The following ZNF423 variants were observed in gnomAD, a reference collection of about 807,000 sequenced individuals.
ZNF423 encodes Ebf-associated zinc finger protein.
In ZNF423, 12 loss-of-function variants were observed where a neutral mutation model predicts 95.8. The ratio of observed to expected loss-of-function variants is 0.13; its 90% CI spans 0.08 to 0.20. The LOEUF (loss-of-function observed/expected upper bound fraction) is 0.20, where lower values mean the gene tolerates loss of function less well. Ranked by LOEUF, ZNF423 falls within the 10% of genes least tolerant of loss-of-function variation. ZNF423 has a pLI of 1.00. For synonymous variants in ZNF423, 749 were observed against 711.9 expected, an observed-to-expected ratio of 1.05 and a Z score of -0.83; for missense variants, 1,316 against 1,737.1, an observed-to-expected ratio of 0.76 and a Z score of 4.31.
chr16:49,739,523 A>G (rs994513123), intron 2 of ZNF423, among the ~76,000 whole-genome samples: 6 of 152,108 alleles, frequency 3.9e-5, no homozygotes, highest in African/African-American at 1.4e-4. Flanking sequence ...GATCCTGAGT[A>G]AGGTGCGAGC....
At chr16:49,554,194 C>A (rs184118542) in intron 5 of ZNF423, among the ~76,000 whole-genome samples, 12 of 152,228 alleles carry the variant, frequency 7.9e-5, no homozygotes, top group Non-Finnish European at 1.6e-4. Context: ...ACAGCTCCAA[C>A]TCCACATTCA....
chr16:49,854,968 G>A (rs2035343319), intron 1 of ZNF423: 15 of 984,810 alleles, frequency 1.5e-5, no homozygotes, highest in Non-Finnish European at 1.8e-5. Flanking sequence ...CAGATCCGGG[G>A]CGCCCTCCGC....
chr16:49,494,801 C>G (rs890289024), intron 7 of ZNF423, among the ~76,000 whole-genome samples: 1 of 152,202 alleles, frequency 6.6e-6, no homozygotes, highest in Non-Finnish European at 1.5e-5. Context: ...GTTCAATAAC[C>G]GTGAAAGAAC....
At chr16:49,853,854 G>T in intron 1 of ZNF423, 2 of 985,354 alleles carry the variant, frequency 2.0e-6, no homozygotes, top group South Asian at 9.4e-5. Flanking sequence ...ACGTAAGGAG[G>T]TTTGGAGAAG....
intron 2 of ZNF423, among the ~76,000 whole-genome samples, chr16:49,755,242 G>A (rs930553222): frequency 3.3e-5 from 5 of 152,178 alleles, no homozygotes; most frequent in Non-Finnish European, 7.4e-5. Context: ...CAAAGCAGGC[G>A]GGAAAAGAGG....
At chr16:49,536,702 C>T (rs1246060271) in intron 5 of ZNF423, among the ~76,000 whole-genome samples, 1 of 152,024 alleles carries the variant, frequency 6.6e-6, no homozygotes, top group Non-Finnish European at 1.5e-5. Context: ...CAGGTATGAG[C>T]CACTGTGCCC....
At chr16:49,590,474 C>G (rs558875818) in intron 5 of ZNF423, among the ~76,000 whole-genome samples, 5 of 152,276 alleles carry the variant, frequency 3.3e-5, no homozygotes, top group African/African-American at 9.6e-5. Flanking sequence ...GGCATTCTTG[C>G]TCCCAGCTCA....
intron 5 of ZNF423, among the ~76,000 whole-genome samples, chr16:49,580,997 C>T (rs961216703): frequency 5.9e-5 from 9 of 152,270 alleles, no homozygotes; most frequent in Admixed American, 4.6e-4. Context: ...TAGATGTACG[C>T]TCCAGCCGTG....
intron 3 of ZNF423, among the ~76,000 whole-genome samples, chr16:49,700,230 GAAGAAAAAAAGAAA>G (rs2032131903): frequency 7.0e-6 from 1 of 143,438 alleles, no homozygotes. Flanking sequence ...AGAAGAAGAA[GAAGAAAAAAAGAAA>G]AAGAAAAAAG....
intron 1 of ZNF423, among the ~76,000 whole-genome samples, chr16:49,850,146 T>C (rs539335965): frequency 2.0e-5 from 3 of 152,322 alleles, no homozygotes; most frequent in African/African-American, 4.8e-5. Flanking sequence ...ACCCCAATCG[T>C]TGGCTGCCAC....
At chr16:49,817,048 C>G (rs2034866761) in intron 1 of ZNF423, among the ~76,000 whole-genome samples, 1 of 152,194 alleles carries the variant, frequency 6.6e-6, no homozygotes, top group African/African-American at 2.4e-5. Context: ...AAATACCACT[C>G]CCAAGGCTGA....
chr16:49,706,202 C>T (rs2032344459), intron 3 of ZNF423, among the ~76,000 whole-genome samples: 1 of 152,228 alleles, frequency 6.6e-6, no homozygotes, highest in Non-Finnish European at 1.5e-5. Flanking sequence ...GCACTGGAGG[C>T]TGTCAGTCCT....
At chr16:49,774,169 T>C (rs2034082116) in intron 2 of ZNF423, among the ~76,000 whole-genome samples, 1 of 152,198 alleles carries the variant, frequency 6.6e-6, no homozygotes, top group Non-Finnish European at 1.5e-5. Context: ...AGTCAGGGAC[T>C]GTGGCTGGAA....
At chr16:49,826,039 C>T (rs112512495) in intron 1 of ZNF423, among the ~76,000 whole-genome samples, 50 of 152,104 alleles carry the variant, frequency 3.3e-4, no homozygotes, top group African/African-American at 9.9e-4. Context: ...AGTGAAACCT[C>T]CATCTGTACA....
At chr16:49,777,249 A>G (rs2143747899) in intron 2 of ZNF423, among the ~76,000 whole-genome samples, 1 of 152,340 alleles carries the variant, frequency 6.6e-6, no homozygotes, top group Admixed American at 6.5e-5. Flanking sequence ...GCATATGCCA[A>G]TGTGCACATA....
Position 49,637,573 on chromosome 16 carries a change from G to T in ZNF423, c.1603C>A (p.Leu535Ile). 1.2e-6 allele frequency: 2 copies of T among 1,614,046 alleles called. No individual in the cohort carries two copies. The highest frequency in any genetic ancestry group is 1.7e-6 in the Non-Finnish European group (2 of 1,180,022). ...FFCNQCSMGFLTESSLTEHIQ... is the reference protein window; with the variant it reads ...FFCNQCSMGFITESSLTEHIQ... The stretch of plus-strand genomic sequence containing the variant: ...TGCTCGGTGAGGGAGGACTCAGTAA[G>T]GAAACCCATGGAGCACTGGTTGCAG... The change falls in exon 4 of 8, where the codon CTT (leucine) becomes ATT (isoleucine). Residue 535 changes from leucine to isoleucine, a missense_variant. Around this residue, in one of 6 missense-constraint regions of ZNF423, gnomAD observed 399 missense variants for 478.5 expected, o/e 0.83. Transcript: ENST00000563137. The surrounding 1 kb of genome is among the most constrained non-coding windows in gnomAD (Gnocchi z 5.6).
chr16:49,697,258 T>C (rs1023771469), intron 3 of ZNF423, among the ~76,000 whole-genome samples: 1 of 152,068 alleles, frequency 6.6e-6, no homozygotes, highest in Non-Finnish European at 1.5e-5. Context: ...ACAGAACTGA[T>C]GTCACCTAAC....
At position 49,661,230 on chromosome 16, in the gene ZNF423, A is replaced by C. The variant is rs532029956; in HGVS notation, c.302-22356T>G. Among the ~76,000 whole-genome samples, 213 of 152,054 alleles carry C rather than the reference A, an allele frequency of 1.4e-3. 2 individuals carry two copies. Among genetic ancestry groups the C allele is most frequent in the South Asian group, 2.3e-3 (11 of 4,800 alleles). On this transcript the variant is annotated intron_variant, in intron 3 of 7. Transcript: ENST00000563137. ...GAGACTTCATCTCAAAAAAAAAAAA[A>C]AAAAGACACAGACTCAACAGTGGGA...
chr16:49,594,536 G>A, intron 5 of ZNF423, among the ~76,000 whole-genome samples: 1 of 151,992 alleles, frequency 6.6e-6, no homozygotes, highest in East Asian at 1.9e-4. Context: ...GGAATATAGA[G>A]ACATACACTC....
Sources: gnomAD v4.1 joint callset for allele counts (sites outside exome capture counted in the v4.1 genomes callset) on GRCh38, gnomAD v4.1.1 for gene constraint, gnomAD v4.1.1 regional missense constraint, Gnocchi (gnomAD v3.1) non-coding constraint, MANE v1.5 for transcripts, NCBI Gene and HGNC (gene_info 2026-07-23, HGNC 2026-07-21) for gene names.